Variants in MRPL3 observed in about 807,000 individuals in gnomAD.
MRPL3 encodes large ribosomal subunit protein uL3m.
Under a neutral mutation model 44.3 loss-of-function variants are expected in MRPL3, and 43 were observed. The ratio of observed to expected loss-of-function variants is 0.97; its 90% confidence interval spans 0.76 to 1.25. The LOEUF (loss-of-function observed/expected upper bound fraction) is 1.25, where lower values mean the gene tolerates loss of function less well. Among genes scored for constraint, MRPL3 ranks in the 50% most tolerant of loss-of-function variants. The pLI is 0.00. For synonymous variants in MRPL3, 171 were observed against 152.3 expected, an observed-to-expected ratio of 1.12 and a Z score of -0.91; for missense variants, 406 against 427.6, an observed-to-expected ratio of 0.95 and a Z score of 0.45.
At chr3:131,496,565 T>G (rs1934375067) in intron 4 of MRPL3, among the ~76,000 whole-genome samples, 2 of 152,138 alleles carry the variant, frequency 1.3e-5, no homozygotes, top group Non-Finnish European at 1.5e-5. Flanking sequence ...CAAACATCTT[T>G]CCTCCAAAGC....
At chr3:131,479,053 A>C (rs759834748) in intron 6 of MRPL3, 6 of 471,914 alleles carry the variant, frequency 1.3e-5, no homozygotes, top group African/African-American at 1.2e-4. Context: ...GAGGTTTTTC[A>C]ATTAGAACCA....
chr3:131,481,574 T>C (rs1933987324), intron 6 of MRPL3, among the ~76,000 whole-genome samples: 1 of 152,216 alleles, frequency 6.6e-6, no homozygotes, highest in Non-Finnish European at 1.5e-5. Flanking sequence ...CACCTTACAT[T>C]GCCTCTTATT....
At chr3:131,478,166 C>T (rs948822199) in intron 6 of MRPL3, among the ~76,000 whole-genome samples, 5 of 152,164 alleles carry the variant, frequency 3.3e-5, no homozygotes, top group African/African-American at 1.2e-4. Flanking sequence ...ATTTACTTCC[C>T]ATTCTTTGAG....
rs369067939 is a variant in MRPL3 at position 131,479,189 on chromosome 3, C to G, written c.630-7910G>C. 1.3e-5 allele frequency: 7 copies of G among 519,004 alleles called. 1 individual carries two copies. The highest frequency in any genetic ancestry group is 8.4e-5 in the South Asian group (6 of 71,576). 32.1% of individuals were successfully genotyped at this position (519,004 alleles called of 1,614,324 possible). A position where few individuals can be genotyped will look rare whatever the true frequency, so the allele number is the denominator to read the frequency against. On this transcript the variant is annotated intron_variant, in intron 6 of 9. Coordinates refer to ENST00000264995, the MANE Select transcript of MRPL3 (RefSeq NM_007208.4). Reference sequence around the variant, plus strand: ...ATTATTCTTGCATACACTGTCCCCCCTGCCTGGACATGAGCACAGTCAGGC... The same window carrying G: ...ATTATTCTTGCATACACTGTCCCCCGTGCCTGGACATGAGCACAGTCAGGC...
At chr3:131,487,978 T>C (rs1934168134) in intron 5 of MRPL3, among the ~76,000 whole-genome samples, 1 of 152,238 alleles carries the variant, frequency 6.6e-6, no homozygotes, top group Admixed American at 6.5e-5. Context: ...CAACACAGTG[T>C]TCTTGCTGTC....
intron 6 of MRPL3, among the ~76,000 whole-genome samples, chr3:131,483,359 A>T (rs1934038794): frequency 6.6e-6 from 1 of 152,196 alleles, no homozygotes. Flanking sequence ...TTATCTATTG[A>T]TAGTATAATA....
intron 4 of MRPL3, 191 bp downstream of exon 4, chr3:131,497,988 A>G: frequency 1.7e-6 from 1 of 589,294 alleles, no homozygotes. Context: ...AGGGAGAGGT[A>G]TTAGAACAAA....
chr3:131,471,103 G>T, intron 7 of MRPL3, 68 bp downstream of exon 7: 1 of 1,074,232 alleles, frequency 9.3e-7, no homozygotes, highest in Non-Finnish European at 1.4e-6. Flanking sequence ...TATCAAGGAC[G>T]GACTGAGGAC....
chr3:131,499,546 G>C (rs531246233), intron 3 of MRPL3, among the ~76,000 whole-genome samples: 1 of 151,944 alleles, frequency 6.6e-6, no homozygotes, highest in Non-Finnish European at 1.5e-5. Context: ...TGATCATTCA[G>C]AGCCAATAAT....
chr3:131,492,580 TGA>T (rs1296607644), intron 4 of MRPL3, among the ~76,000 whole-genome samples: 11 of 152,192 alleles, frequency 7.2e-5, no homozygotes, highest in African/African-American at 2.7e-4. Context: ...CTGATCTGAC[TGA>T]CAGGAGGTAG....
chr3:131,498,180 C>A lies in MRPL3; in HGVS notation c.467G>T (p.Arg156Leu), dbSNP rs537480020. ...SVGGKTVSRFRKATSILEFYR... is the reference protein window; with the variant it reads ...SVGGKTVSRFLKATSILEFYR... ...CTAGCTATGAAAATACATCCTTACACGAAAACGTGATACAGTTTTTCCTCC... is the reference window on the plus strand; with the variant it reads ...CTAGCTATGAAAATACATCCTTACAAGAAAACGTGATACAGTTTTTCCTCC... The change falls in exon 4 of 10, where the codon CGT (arginine) becomes CTT (leucine). Residue 156 changes from arginine to leucine, a missense_variant and splice_region_variant. Arg to Leu is a moderately radical substitution (Grantham distance 102). Coordinates refer to ENST00000264995, the MANE Select transcript of MRPL3 (RefSeq NM_007208.4). 5 of 1,588,212 alleles carry A rather than the reference C, an allele frequency of 3.1e-6. No individual in the cohort carries two copies. The highest frequency in any genetic ancestry group is 3.5e-6 in the Non-Finnish European group (4 of 1,156,834).
intron 4 of MRPL3, among the ~76,000 whole-genome samples, chr3:131,496,799 C>A (rs994132585): frequency 1.8e-4 from 27 of 152,212 alleles, no homozygotes; most frequent in African/African-American, 6.0e-4. Flanking sequence ...ACAATCTGAA[C>A]AAGTTACTGA....
rs762735402 is a variant in MRPL3 at position 131,462,762 on chromosome 3, G to A, written c.1008C>T (p.Asn336=). 3.0e-5 allele frequency: 49 copies of A among 1,612,380 alleles called. No individual in the cohort carries two copies. In the South Asian group the frequency reaches 4.2e-4, roughly 14 times the overall value. The change falls in exon 10 of 10, where the codon AAC becomes AAT. Residue 336 remains asparagine, a synonymous_variant. Transcript: ENST00000264995. ...EELPEDLYDE[N]VCQPGAPSIT... is the part of the protein sequence containing the mutation. The stretch of plus-strand genomic sequence containing the variant: ...TAGAAGGCGCACCGGGCTGACACAC[G>A]TTTTCATCATACAAATCTTCTGGCA...
intron 6 of MRPL3, among the ~76,000 whole-genome samples, chr3:131,479,425 T>C (rs1413666224): frequency 6.6e-6 from 1 of 152,146 alleles, no homozygotes; most frequent in Non-Finnish European, 1.5e-5. Flanking sequence ...GTGAAGAAAT[T>C]ACTGGTTTAA....
intron 6 of MRPL3, among the ~76,000 whole-genome samples, chr3:131,481,336 C>T (rs985437342): frequency 6.6e-6 from 1 of 152,144 alleles, no homozygotes; most frequent in South Asian, 2.1e-4. Context: ...AAAATTGAAA[C>T]TAATTACAAA....
chr3:131,495,163 T>A (rs1185033210), intron 4 of MRPL3, among the ~76,000 whole-genome samples: 3 of 152,184 alleles, frequency 2.0e-5, no homozygotes, highest in East Asian at 3.8e-4. Flanking sequence ...TTTCCAAATG[T>A]TTAGATATAT....
intron 6 of MRPL3, among the ~76,000 whole-genome samples, chr3:131,472,917 A>C (rs1311575550): frequency 6.6e-6 from 1 of 152,204 alleles, no homozygotes; most frequent in Non-Finnish European, 1.5e-5. Context: ...GAAACTGCAG[A>C]GGATGTGGGT....
At chr3:131,463,430 C>CA (rs988025388) in intron 9 of MRPL3, among the ~76,000 whole-genome samples, 2 of 149,398 alleles carry the variant, frequency 1.3e-5, no homozygotes, top group African/African-American at 4.9e-5. Flanking sequence ...GTTAATTCTT[C>CA]AGCATTTTCA....
At chr3:131,464,949 C>T (rs563167388) in intron 9 of MRPL3, among the ~76,000 whole-genome samples, 3 of 152,236 alleles carry the variant, frequency 2.0e-5, no homozygotes, top group Admixed American at 6.5e-5. Flanking sequence ...ACTGGAAGAA[C>T]GTAAATAATG....
Sources: allele counts gnomAD v4.1 joint callset (sites outside exome capture counted in the v4.1 genomes callset), GRCh38; gene constraint gnomAD v4.1.1; transcripts MANE v1.5; gene names NCBI Gene and HGNC (gene_info 2026-07-23, HGNC 2026-07-21).